NEK1: variants seen among roughly 807,000 people sequenced by gnomAD.
NEK1 encodes the protein serine/threonine-protein kinase Nek1.
Under a neutral mutation model 182.1 loss-of-function variants are expected in NEK1, and 137 were observed. The observed-to-expected ratio is 0.75, with a 90% CI of 0.65 to 0.87. NEK1 has a LOEUF of 0.87. Among genes scored for constraint, NEK1 ranks in the 40% least tolerant of loss-of-function variants. NEK1 has a pLI of 0.00. For synonymous variants in NEK1, 513 were observed against 492.2 expected, an observed-to-expected ratio of 1.04 and a Z score of -0.56; for missense variants, 1,391 against 1,494.4, an observed-to-expected ratio of 0.93 and a Z score of 1.14.
At chr4:169,404,760 T>C (rs977988776) in intron 32 of NEK1, among the ~76,000 whole-genome samples, 8 of 142,666 alleles carry the variant, frequency 5.6e-5, no homozygotes, top group Non-Finnish European at 1.1e-4. Flanking sequence ...GGAAGGTTCT[T>C]TTTGTTTTTT....
intron 27 of NEK1, among the ~76,000 whole-genome samples, chr4:169,451,686 A>G (rs957256101): frequency 6.6e-5 from 10 of 152,362 alleles, no homozygotes; most frequent in Admixed American, 3.3e-4. Context: ...AGAAAGCAGG[A>G]AAGATCTAAA....
chr4:169,397,487 AT>A (rs33929867), intron 35 of NEK1, among the ~76,000 whole-genome samples: 22 of 151,500 alleles, frequency 1.5e-4, no homozygotes, highest in Non-Finnish European at 2.5e-4. Context: ...GCTGTACTCA[AT>A]TTTTTTTTAA....
At position 169,400,886 on chromosome 4, in the gene NEK1, T is replaced by C. The variant is rs377631800; in HGVS notation, c.3584-235A>G. Among the ~76,000 whole-genome samples the C allele has an allele frequency of 4.6e-5, 7 of 151,314 alleles. No individual in the cohort carries two copies. The East Asian group carries it at 9.7e-4, about 21-fold the overall frequency. Reference sequence around the variant, plus strand: ...TATAGATATAAAAAATAAATCAGGTTGGAATCAAAACACTCCTAGAGATGT... The same window carrying C: ...TATAGATATAAAAAATAAATCAGGTCGGAATCAAAACACTCCTAGAGATGT... On this transcript the variant is annotated intron_variant, in intron 33 of 35. Transcript: ENST00000507142.
intron 35 of NEK1, 180 bp downstream of exon 35, chr4:169,400,045 A>G: frequency 1.5e-6 from 1 of 674,584 alleles, no homozygotes; most frequent in Non-Finnish European, 2.6e-6. Flanking sequence ...TAAGTCAGTA[A>G]AAGTATATGA....
intron 27 of NEK1, among the ~76,000 whole-genome samples, chr4:169,439,862 T>TTTTG (rs1739108604): frequency 6.7e-6 from 1 of 149,114 alleles, no homozygotes; most frequent in Non-Finnish European, 1.5e-5. Flanking sequence ...TTTTTTTTTT[T>TTTTG]TTTTGTTAGA....
At chr4:169,588,797 GT>G in intron 7 of NEK1, 62 bp from the exon 8 acceptor site, 12 of 1,063,304 alleles carry the variant, frequency 1.1e-5, no homozygotes, top group Non-Finnish European at 1.7e-5. Flanking sequence ...CATTAATGTT[GT>G]TTTTGGTCTA....
chr4:169,396,418 C>T (rs1036025525), intron 35 of NEK1, among the ~76,000 whole-genome samples: 1 of 136,796 alleles, frequency 7.3e-6, no homozygotes. Flanking sequence ...AAACTTGGGC[C>T]GCTAATGCTA....
intron 31 of NEK1, among the ~76,000 whole-genome samples, chr4:169,423,577 T>C (rs879433760): frequency 5.3e-5 from 8 of 152,140 alleles, no homozygotes; most frequent in Non-Finnish European, 1.0e-4. Flanking sequence ...TAAATAATAA[T>C]AGTGGGTGGT....
chr4:169,492,218 C>A (rs908215160), intron 23 of NEK1, among the ~76,000 whole-genome samples: 2 of 152,318 alleles, frequency 1.3e-5, no homozygotes, highest in Admixed American at 1.3e-4. Flanking sequence ...AAGATTCAGA[C>A]GCTGCTTCAA....
intron 2 of NEK1, among the ~76,000 whole-genome samples, chr4:169,605,866 G>A (rs1278647236): frequency 6.6e-6 from 1 of 152,066 alleles, no homozygotes; most frequent in Non-Finnish European, 1.5e-5. Context: ...AAAAATCAGA[G>A]ACTTTTTTGA....
At chr4:169,502,014 A>G (rs1437581447) in intron 23 of NEK1, among the ~76,000 whole-genome samples, 1 of 152,088 alleles carries the variant, frequency 6.6e-6, no homozygotes, top group East Asian at 1.9e-4. Context: ...TAACACATGA[A>G]AAAAAGAGAA....
intron 31 of NEK1, 39 bp from the exon 32 acceptor site, chr4:169,406,786 A>G: frequency 6.7e-7 from 1 of 1,499,672 alleles, no homozygotes; most frequent in Non-Finnish European, 9.0e-7. Context: ...TAGGAGAAAG[A>G]TAATTAAAAC....
intron 2 of NEK1, among the ~76,000 whole-genome samples, chr4:169,604,677 C>A (rs1427617672): frequency 6.6e-6 from 1 of 152,180 alleles, no homozygotes; most frequent in African/African-American, 2.4e-5. Flanking sequence ...TAAAAATGAT[C>A]CAATCTCCTT....
chr4:169,521,512 G>A (rs902823653), intron 19 of NEK1, among the ~76,000 whole-genome samples: 1 of 152,020 alleles, frequency 6.6e-6, no homozygotes, highest in African/African-American at 2.4e-5. Context: ...GTTCCTATTC[G>A]GCCATCTTGG....
chr4:169,455,689 T>A (rs1481974296), intron 27 of NEK1, among the ~76,000 whole-genome samples: 1 of 152,098 alleles, frequency 6.6e-6, no homozygotes, highest in Non-Finnish European at 1.5e-5. Flanking sequence ...AACACTATAC[T>A]CTCAGCATTG....
intron 28 of NEK1, among the ~76,000 whole-genome samples, chr4:169,437,598 C>T (rs1450811718): frequency 1.3e-5 from 2 of 152,170 alleles, no homozygotes; most frequent in Non-Finnish European, 2.9e-5. Context: ...AAGCTGCTTT[C>T]ACCTTAGCAT....
At chr4:169,528,628 A>G (rs928517329) in intron 19 of NEK1, among the ~76,000 whole-genome samples, 1 of 152,354 alleles carries the variant, frequency 6.6e-6, no homozygotes. Flanking sequence ...CTACACTGCA[A>G]AAGAAAACAA....
chr4:169,438,122 A>AT lies in NEK1; in HGVS notation c.2724dup (p.Ser909IlefsTer16), dbSNP rs1738764299. The AT allele has an allele frequency of 6.2e-7, 1 of 1,612,378 alleles. No homozygotes were observed. The highest frequency in any genetic ancestry group is 8.5e-7 in the Non-Finnish European group (1 of 1,179,296). On this transcript the variant is annotated frameshift_variant, in exon 28 of 36. Coordinates refer to ENST00000507142, the MANE Select transcript of NEK1 (RefSeq NM_001199397.3). LOFTEE classifies it high-confidence loss of function. ...TCCAGTTTCAATGACATCTGTGGAG[A>AT]TGCCTCACTGAACTCGGGACTTTTT...
chr4:169,611,268 G>GA (rs1171922523), intron 2 of NEK1, among the ~76,000 whole-genome samples: 1 of 152,104 alleles, frequency 6.6e-6, no homozygotes, highest in Non-Finnish European at 1.5e-5. Flanking sequence ...CTTTTAACGT[G>GA]AAAAAAACCT....
Sources: gnomAD v4.1 joint callset for allele counts (sites outside exome capture counted in the v4.1 genomes callset) on GRCh38, gnomAD v4.1.1 for gene constraint, MANE v1.5 for transcripts, NCBI Gene and HGNC (gene_info 2026-07-23, HGNC 2026-07-21) for gene names.